The following UBE2H variants were observed in gnomAD, a reference collection of about 807,000 sequenced individuals.
The protein encoded by UBE2H is ubiquitin-conjugating enzyme E2 H.
Under a neutral mutation model 29.0 loss-of-function variants are expected in UBE2H, and 3 were observed. The ratio of observed to expected loss-of-function variants is 0.10; its 90% CI spans 0.05 to 0.27. The LOEUF is 0.27. Ranked by LOEUF, UBE2H falls within the 10% of genes least tolerant of loss-of-function variation. UBE2H has a pLI of 1.00. For missense variants in UBE2H, 68 were observed against 228.2 expected, an observed-to-expected ratio of 0.30 and a Z score of 4.52; for synonymous variants, 69 against 82.9, an observed-to-expected ratio of 0.83 and a Z score of 0.91.
chr7:129,902,147 G>GT (rs1171533159), intron 1 of UBE2H, among the ~76,000 whole-genome samples: 2 of 152,194 alleles, frequency 1.3e-5, no homozygotes, highest in East Asian at 1.9e-4. Flanking sequence ...ATAAAAAAAT[G>GT]TAACTTTAGA....
chr7:129,941,151 C>CT (rs558974011), intron 1 of UBE2H, among the ~76,000 whole-genome samples: 185 of 152,218 alleles, frequency 1.2e-3, no homozygotes, highest in African/African-American at 4.1e-3. Flanking sequence ...GACAGGGTTT[C>CT]ACCATGTTGC....
intron 3 of UBE2H, among the ~76,000 whole-genome samples, chr7:129,877,615 G>A (rs1806172510): frequency 6.6e-6 from 1 of 152,130 alleles, no homozygotes; most frequent in Admixed American, 6.5e-5. Context: ...ATCAAGTCCT[G>A]AAAGCACACA....
chr7:129,949,419 A>AG (rs1229890639), intron 1 of UBE2H, among the ~76,000 whole-genome samples: 1 of 148,086 alleles, frequency 6.8e-6, no homozygotes, highest in Non-Finnish European at 1.5e-5. Context: ...GCTAACTGCA[A>AG]GGTTTTTTTA....
At chr7:129,939,312 T>G (rs1249992051) in intron 1 of UBE2H, among the ~76,000 whole-genome samples, 1 of 152,224 alleles carries the variant, frequency 6.6e-6, no homozygotes, top group Admixed American at 6.5e-5. Context: ...TAGCTGGGAC[T>G]GAAGGAATGA....
At chr7:129,837,234 A>T (rs1805347442) in intron 6 of UBE2H, among the ~76,000 whole-genome samples, 1 of 152,230 alleles carries the variant, frequency 6.6e-6, no homozygotes, top group African/African-American at 2.4e-5. Flanking sequence ...GAGGGGACTG[A>T]CTGAAGCTGT....
At chr7:129,867,212 A>G (rs1191321635) in intron 3 of UBE2H, among the ~76,000 whole-genome samples, 1 of 152,144 alleles carries the variant, frequency 6.6e-6, no homozygotes, top group Non-Finnish European at 1.5e-5. Flanking sequence ...CATGTGCCCC[A>G]TATTTATTAT....
intron 5 of UBE2H, among the ~76,000 whole-genome samples, chr7:129,850,258 T>G (rs1435922012): frequency 6.6e-6 from 1 of 152,024 alleles, no homozygotes; most frequent in Non-Finnish European, 1.5e-5. Context: ...TCTCTGCTAT[T>G]TGAGAGGCTG....
intron 1 of UBE2H, among the ~76,000 whole-genome samples, chr7:129,882,073 A>T (rs1418785113): frequency 1.3e-5 from 2 of 152,228 alleles, no homozygotes; most frequent in Non-Finnish European, 2.9e-5. Context: ...CAGAGGGGTA[A>T]CATGGCTGTG....
At chr7:129,876,730 A>G (rs999301171) in intron 3 of UBE2H, among the ~76,000 whole-genome samples, 1 of 152,236 alleles carries the variant, frequency 6.6e-6, no homozygotes, top group Non-Finnish European at 1.5e-5. Context: ...AAAAGAGCTC[A>G]AAGTGTTTGA....
chr7:129,842,808 C>T (rs1415136776), intron 5 of UBE2H, among the ~76,000 whole-genome samples: 1 of 151,766 alleles, frequency 6.6e-6, no homozygotes, highest in Non-Finnish European at 1.5e-5. Context: ...GAGGCTGAGG[C>T]AGGAGAATTG....
At chr7:129,843,483 T>C (rs1805462467) in intron 5 of UBE2H, among the ~76,000 whole-genome samples, 1 of 152,174 alleles carries the variant, frequency 6.6e-6, no homozygotes, top group East Asian at 1.9e-4. Flanking sequence ...AACTCAAACC[T>C]GAGCTCATCC....
At chr7:129,836,462 G>A (rs183128072) in intron 6 of UBE2H, among the ~76,000 whole-genome samples, 3 of 152,320 alleles carry the variant, frequency 2.0e-5, no homozygotes, top group South Asian at 2.1e-4. Context: ...GACGAAAAAC[G>A]GCCGAGGCAG....
chr7:129,851,995 G>T (rs571106137), intron 5 of UBE2H, among the ~76,000 whole-genome samples: 29 of 152,242 alleles, frequency 1.9e-4, no homozygotes. Context: ...GCTCTACTTG[G>T]CCTCTATCTA....
intron 1 of UBE2H, among the ~76,000 whole-genome samples, chr7:129,912,905 A>T (rs538331501): frequency 6.6e-6 from 1 of 152,328 alleles, no homozygotes; most frequent in Non-Finnish European, 1.5e-5. Flanking sequence ...TATTTTGTTC[A>T]ACACAACCAA....
rs1805271902 is a variant in UBE2H, at chr7:129,833,682, A to G, written c.*1255T>C. 1 of 152,168 alleles carries G rather than the reference A, an allele frequency of 6.6e-6. No homozygotes were observed. Among genetic ancestry groups the G allele is most frequent in the African/African-American group, 2.4e-5 (1 of 41,444 alleles). The allele number at this position is 152,168 out of a possible 1,614,324, so 9.4% of individuals were successfully genotyped here. A position where few individuals can be genotyped will look rare whatever the true frequency, so the allele number is the denominator to read the frequency against. ...TCCTATTCGGTCACTCTCTGAAAAAAGCTGGTTTGTTTTTCCCATGTAGAA... is the reference window on the plus strand; with the variant it reads ...TCCTATTCGGTCACTCTCTGAAAAAGGCTGGTTTGTTTTTCCCATGTAGAA... On this transcript the variant is annotated 3_prime_UTR_variant, in exon 7 of 7. Coordinates refer to ENST00000355621, the MANE Select transcript of UBE2H (RefSeq NM_003344.4).
intron 1 of UBE2H, among the ~76,000 whole-genome samples, chr7:129,906,889 A>C (rs1405247031): frequency 2.6e-5 from 4 of 152,214 alleles, no homozygotes; most frequent in African/African-American, 9.6e-5. Flanking sequence ...CATGAAGCTA[A>C]CTACCTTTGG....
chr7:129,929,933 C>A (rs1363469939), intron 1 of UBE2H, among the ~76,000 whole-genome samples: 2 of 152,058 alleles, frequency 1.3e-5, no homozygotes, highest in Non-Finnish European at 2.9e-5. Flanking sequence ...TCACTTGAAC[C>A]CAGGAGGTGG....
At chr7:129,890,663 C>T (rs73161641) in intron 1 of UBE2H, among the ~76,000 whole-genome samples, 28,604 of 152,014 alleles carry the variant, frequency 0.19, 3,043 homozygotes, top group African/African-American at 0.28. Flanking sequence ...TGAGCCACTG[C>T]GCCCAGCCAA....
chr7:129,853,747 G>A (rs186490785), intron 5 of UBE2H, among the ~76,000 whole-genome samples: 1 of 152,328 alleles, frequency 6.6e-6, no homozygotes, highest in African/African-American at 2.4e-5. Context: ...TGGCGGGGAA[G>A]GGTGTGAGGG....
Sources: gnomAD v4.1 joint callset for allele counts (sites outside exome capture counted in the v4.1 genomes callset) on GRCh38, gnomAD v4.1.1 for gene constraint, MANE v1.5 for transcripts, NCBI Gene and HGNC (gene_info 2026-07-23, HGNC 2026-07-21) for gene names.